The following SCAF8 variants were observed in gnomAD, a reference collection of about 807,000 sequenced individuals.
SCAF8 encodes the protein SR-related and CTD-associated factor 8.
Under a neutral mutation model 140.5 loss-of-function variants are expected in SCAF8, and 23 were observed. The ratio of observed to expected loss-of-function variants is 0.16; its 90% CI spans 0.12 to 0.23. The LOEUF (loss-of-function observed/expected upper bound fraction) is 0.23. Ranked by LOEUF, SCAF8 falls within the 10% of genes least tolerant of loss-of-function variation. The pLI is 1.00. For missense variants in SCAF8, 1,397 were observed against 1,555.7 expected (o/e 0.90, Z 1.72); for synonymous variants, 575 against 528.9 (o/e 1.09, Z -1.20).
chr6:154,808,293 T>C, intron 10 of SCAF8, 92 bp downstream of exon 10: 1 of 1,242,024 alleles, frequency 8.1e-7, no homozygotes, highest in Non-Finnish European at 1.1e-6. Flanking sequence ...TGAATATATT[T>C]TTCCCACACT....
At position 154,794,446 on chromosome 6, in the gene SCAF8, G is replaced by A. The variant is rs539555228; in HGVS notation, c.476-563G>A. Among the ~76,000 whole-genome samples the A allele has an allele frequency of 2.0e-5, 3 of 152,100 alleles. No homozygotes were observed. In the East Asian group the frequency reaches 5.8e-4, roughly 29 times the overall value. The stretch of plus-strand genomic sequence containing the variant: ...TGCAGTCAACCACAGTCTGAAAATA[G>A]GTGAGTATAGTACAATAAGATATTT... On this transcript the variant is annotated intron_variant, in intron 5 of 19. Coordinates refer to ENST00000367178, the MANE Select transcript of SCAF8 (RefSeq NM_014892.5).
At chr6:154,767,337 G>A (rs1249511297) in intron 1 of SCAF8, among the ~76,000 whole-genome samples, 1 of 151,110 alleles carries the variant, frequency 6.6e-6, no homozygotes, top group Non-Finnish European at 1.5e-5. Context: ...AAATCCTGGT[G>A]TTTGCCTCTC....
At chr6:154,785,775 T>C (rs953878985) in intron 3 of SCAF8, among the ~76,000 whole-genome samples, 53 of 152,314 alleles carry the variant, frequency 3.5e-4, no homozygotes, top group African/African-American at 1.2e-3. Context: ...AACCTGCAGA[T>C]GACAACTTGG....
At chr6:154,747,709 T>G (rs957535016) in intron 1 of SCAF8, among the ~76,000 whole-genome samples, 8 of 152,268 alleles carry the variant, frequency 5.3e-5, no homozygotes, top group Non-Finnish European at 1.2e-4. Context: ...TTATAGTGCT[T>G]ATTTTAACAT....
intron 6 of SCAF8, among the ~76,000 whole-genome samples, chr6:154,796,157 C>T (rs1777594646): frequency 6.6e-6 from 1 of 152,106 alleles, no homozygotes; most frequent in Non-Finnish European, 1.5e-5. Flanking sequence ...TTTTCAGACT[C>T]ATAGAAATAC....
intron 3 of SCAF8, among the ~76,000 whole-genome samples, chr6:154,779,101 C>T (rs1004326570): frequency 1.2e-4 from 18 of 152,006 alleles, no homozygotes; most frequent in Admixed American, 1.0e-3. Flanking sequence ...ATCAAGATTT[C>T]GGCTCACTGC....
At chr6:154,821,720 G>C (rs554081002) in intron 15 of SCAF8, among the ~76,000 whole-genome samples, 1 of 152,164 alleles carries the variant, frequency 6.6e-6, no homozygotes, top group Admixed American at 6.5e-5. Flanking sequence ...TATAGCTTGC[G>C]CAGAGTGAGT....
At chr6:154,819,962 C>G (rs969059164) in intron 14 of SCAF8, among the ~76,000 whole-genome samples, 2 of 152,170 alleles carry the variant, frequency 1.3e-5, no homozygotes, top group Non-Finnish European at 2.9e-5. Flanking sequence ...GCACTCCAGC[C>G]TGGGTGACTG....
intron 3 of SCAF8, among the ~76,000 whole-genome samples, chr6:154,780,748 A>G (rs1349418169): frequency 3.9e-5 from 6 of 152,154 alleles, no homozygotes; most frequent in African/African-American, 1.4e-4. Context: ...TATATGTACC[A>G]CATTTTCTTT....
intron 1 of SCAF8, among the ~76,000 whole-genome samples, chr6:154,744,514 A>G (rs1778649246): frequency 1.3e-5 from 2 of 152,174 alleles, no homozygotes; most frequent in African/African-American, 2.4e-5. Context: ...CTTTGTGAGA[A>G]TGGTTGGATA....
intron 1 of SCAF8, among the ~76,000 whole-genome samples, chr6:154,735,055 C>CG (rs1255053553): frequency 1.3e-5 from 2 of 149,210 alleles, no homozygotes; most frequent in African/African-American, 5.0e-5. Context: ...ACCTGGGAAG[C>CG]GGAGGTTGCA....
In SCAF8 at chr6:154,733,544, G is replaced by A. The variant is rs1778316851; in HGVS notation, c.-357G>A. 3 of 1,294,016 alleles carry A rather than the reference G, an allele frequency of 2.3e-6. No homozygotes were observed. In the East Asian group the frequency reaches 9.4e-5, roughly 40 times the overall value. 80.2% of individuals were successfully genotyped at this position (1,294,016 alleles called of 1,614,324 possible). On this transcript the variant is annotated 5_prime_UTR_variant, in exon 1 of 20. The change creates a premature stop within an existing upstream ORF in the 5' untranslated region. Transcript: ENST00000367178. ...GTCGGAGGAAGGGGCAGAAGGGAGT[G>A]GAGAGTGTAGGGGAAGGGGCTAGAG...
rs149665918 is a variant in SCAF8 at position 154,757,187 on chromosome 6, G to A, written c.31-16802G>A. 1.4e-3 allele frequency among the ~76,000 whole-genome samples: 219 copies of A among 152,238 alleles called. 1 individual carries two copies. The highest frequency in any genetic ancestry group is 2.6e-3 in the Non-Finnish European group (175 of 68,016). On this transcript the variant is annotated intron_variant, in intron 1 of 19. Coordinates refer to ENST00000367178, the MANE Select transcript of SCAF8 (RefSeq NM_014892.5). ...AATTTTTATTTTTACTAGAGATGGG[G>A]TTTTGCCATGTTTGCCAGTCTAGTC... is the stretch of plus-strand genomic sequence containing the variant.
At chr6:154,783,179 T>C (rs1302099572) in intron 3 of SCAF8, among the ~76,000 whole-genome samples, 2 of 152,224 alleles carry the variant, frequency 1.3e-5, no homozygotes, top group African/African-American at 4.8e-5. Context: ...CTCAGCTCTG[T>C]TCCAAAAATA....
At chr6:154,767,160 T>A (rs555770609) in intron 1 of SCAF8, among the ~76,000 whole-genome samples, 2 of 152,332 alleles carry the variant, frequency 1.3e-5, no homozygotes, top group East Asian at 3.9e-4. Flanking sequence ...AGCATTTTTC[T>A]TGCCCAGGCC....
At chr6:154,776,261 C>A (rs969564765) in intron 2 of SCAF8, among the ~76,000 whole-genome samples, 3 of 151,398 alleles carry the variant, frequency 2.0e-5, no homozygotes, top group Non-Finnish European at 4.4e-5. Flanking sequence ...TTTTTCACTA[C>A]TTTATTACTT....
chr6:154,785,154 T>G (rs971581454), intron 3 of SCAF8, among the ~76,000 whole-genome samples: 7 of 152,368 alleles, frequency 4.6e-5, no homozygotes, highest in African/African-American at 1.7e-4. Flanking sequence ...GTGTCTAGGA[T>G]TCATTCTTGT....
chr6:154,812,938 C>T (rs1778139030), intron 12 of SCAF8, among the ~76,000 whole-genome samples: 1 of 151,974 alleles, frequency 6.6e-6, no homozygotes, highest in Non-Finnish European at 1.5e-5. Context: ...CGGCTCACAC[C>T]TGTAATCCAA....
In SCAF8 at chr6:154,795,023, C is replaced by T. The variant is rs2114884800; in HGVS notation, c.490C>T (p.Pro164Ser). ...MSNTPGTPVT[P>S]VTPANVVQGL... ...CTTTTTAAAAGGAACTCCTGTGACACCTGTTACTCCGGCCAATGTGGTCCA... is the reference window on the plus strand; with the variant it reads ...CTTTTTAAAAGGAACTCCTGTGACATCTGTTACTCCGGCCAATGTGGTCCA... Residue 164 changes from proline (P) to serine (S), a missense_variant, in exon 6 of 20, where the codon CCT becomes TCT. This residue lies in a region of SCAF8 where 339 missense variants were observed against 407.5 expected (regional missense o/e 0.83). Transcript: ENST00000367178. 1 of 1,604,050 alleles carries T rather than the reference C, an allele frequency of 6.2e-7. No individual in the cohort carries two copies. The highest frequency in any genetic ancestry group is 8.5e-7 in the Non-Finnish European group (1 of 1,176,952).
Sources: gnomAD v4.1 joint callset for allele counts (sites outside exome capture counted in the v4.1 genomes callset) on GRCh38, gnomAD v4.1.1 for gene constraint, gnomAD v4.1.1 regional missense constraint, MANE v1.5 for transcripts, NCBI Gene and HGNC (gene_info 2026-07-23, HGNC 2026-07-21) for gene names.